The following HMGXB3 variants were observed in gnomAD, a reference collection of about 807,000 sequenced individuals.
HMGXB3 encodes HMG-box containing 3.
HMGXB3 carries 45 observed loss-of-function variants against 121.5 expected under a neutral mutation model. The observed-to-expected ratio is 0.37, with a 90% CI of 0.29 to 0.47. The LOEUF is 0.47. Among genes scored for constraint, HMGXB3 ranks in the 20% least tolerant of loss-of-function variants. The pLI is 0.99. For missense variants in HMGXB3, 1,376 were observed against 1,602.2 expected (o/e 0.86, Z 2.41); for synonymous variants, 590 against 624.1 (o/e 0.95, Z 0.81).
intron 7 of HMGXB3, among the ~76,000 whole-genome samples, chr5:150,025,853 T>G (rs957551664): frequency 4.0e-5 from 6 of 151,254 alleles, no homozygotes; most frequent in East Asian, 2.0e-4. Flanking sequence ...TGCTTTTTTT[T>G]GGGATGGAAT....
chr5:150,033,776 T>C (rs1756436675), intron 11 of HMGXB3, among the ~76,000 whole-genome samples: 1 of 152,098 alleles, frequency 6.6e-6, no homozygotes, highest in Non-Finnish European at 1.5e-5. Context: ...GAGAACTGCT[T>C]CAAGCTTAGA....
In HMGXB3 at chr5:150,047,756, A is replaced by G; in HGVS notation, c.3083A>G (p.Lys1028Arg). The G allele has an allele frequency of 6.4e-7, 1 of 1,551,744 alleles. No homozygotes were observed. The highest frequency in any genetic ancestry group is 2.4e-5 in the East Asian group (1 of 40,928). The change falls in exon 17 of 20, where the codon AAG becomes AGG. Residue 1028 changes from lysine (K) to arginine (R), a missense_variant and splice_region_variant. Lys to Arg is a conservative substitution (Grantham distance 26). Transcript: ENST00000502717. ...CGIPFGAEDS[K>R]DQLCFSLLAL... ...ATCCCCTTTGGGGCAGAAGACTCCA[A>G]GGTGAGTGTCAAGGGCAGTGGTGGA...
At position 150,000,779 on chromosome 5, in the gene HMGXB3, C is replaced by T. The variant is rs1250546673; in HGVS notation, c.-403C>T. The T allele has an allele frequency of 1.9e-5, 3 of 154,694 alleles. No individual in the cohort carries two copies. Among genetic ancestry groups the T allele is most frequent in the Non-Finnish European group, 4.4e-5 (3 of 68,170 alleles). 9.6% of individuals were successfully genotyped at this position (154,694 alleles called of 1,614,324 possible). On this transcript the variant is annotated 5_prime_UTR_variant, in exon 1 of 20. Transcript: ENST00000502717. ...GCTACTGCCGGTGCAGCCGCCAAAC[C>T]GGTGCCTCGGTGACGACCGTGTCCC...
At chr5:150,017,947 A>C (rs1378182331) in intron 5 of HMGXB3, among the ~76,000 whole-genome samples, 1 of 152,250 alleles carries the variant, frequency 6.6e-6, no homozygotes, top group Non-Finnish European at 1.5e-5. Flanking sequence ...AAATAACTAC[A>C]TTCTGTTGAG....
In HMGXB3 at chr5:150,022,986, ATT is replaced by A. The variant is rs56092645; in HGVS notation, c.1042-1254_1042-1253del. Among the ~76,000 whole-genome samples the A allele has an allele frequency of 5.5e-3, 557 of 100,864 alleles. 3 individuals are homozygous for A. Among genetic ancestry groups the A allele is most frequent in the African/African-American group, 0.021 (480 of 22,654 alleles). 66.2% of individuals were successfully genotyped at this position (100,864 alleles called of 152,430 possible). ...GGCTGCATACCACCATGCCTGGCTA[ATT>A]TTTTTTTTTTTTTTTTTTTTTGTAG... On this transcript the variant is annotated intron_variant, in intron 6 of 19. Coordinates refer to ENST00000502717, the MANE Select transcript of HMGXB3 (RefSeq NM_014983.3).
At chr5:150,016,384 TG>T (rs146731432) in intron 5 of HMGXB3, among the ~76,000 whole-genome samples, 205 of 151,914 alleles carry the variant, frequency 1.3e-3, no homozygotes, top group African/African-American at 4.8e-3. Context: ...TAACTATCCT[TG>T]TAGATTTGTC....
At chr5:150,026,638 A>C in intron 7 of HMGXB3, 68 bp from the exon 8 acceptor site, 270 of 1,296,224 alleles carry the variant, frequency 2.1e-4, no homozygotes, top group Non-Finnish European at 2.6e-4. Context: ...AGCACTATGT[A>C]GAGATTGCGC....
chr5:150,012,973 ATTAG>A (rs1250005941), intron 5 of HMGXB3, among the ~76,000 whole-genome samples: 1 of 152,190 alleles, frequency 6.6e-6, no homozygotes, highest in African/African-American at 2.4e-5. Flanking sequence ...TAACTCACTT[ATTAG>A]TTCTGGTAAC....
intron 5 of HMGXB3, among the ~76,000 whole-genome samples, chr5:150,015,629 T>A (rs1415119975): frequency 6.6e-6 from 1 of 152,218 alleles, no homozygotes; most frequent in Non-Finnish European, 1.5e-5. Context: ...TGCTATGAAT[T>A]TCCCTCTAAG....
intron 11 of HMGXB3, among the ~76,000 whole-genome samples, chr5:150,035,336 A>G (rs4705409): frequency 0.83 from 125,614 of 152,052 alleles, 52,126 homozygotes; most frequent in African/African-American, 0.9. Context: ...CATACAGAAA[A>G]AGGAAGCGAA....
At chr5:150,048,526 T>C (rs750984922) in intron 17 of HMGXB3, 43 bp from the exon 18 acceptor site, 2 of 1,324,112 alleles carry the variant, frequency 1.5e-6, no homozygotes, top group South Asian at 1.3e-5. Context: ...CGTGGTCCCT[T>C]AGCATTCGCC....
At position 150,030,878 on chromosome 5, in the gene HMGXB3, G is replaced by A. The variant is rs150326962; in HGVS notation, c.1833+39G>A. On this transcript the variant is annotated intron_variant, in intron 10 of 19. Transcript: ENST00000502717. ...TAGGTGGTGGTGGGTTGACATGGAG[G>A]TTGTTTTGATTTTGTGGTTGAAGGT... The A allele has an allele frequency of 1.3e-4, 197 of 1,482,904 alleles. 1 individual carries two copies. The African/African-American group carries it at 2.3e-3, about 18-fold the overall frequency. The allele number at this position is 1,482,904 out of a possible 1,614,324, so 91.9% of individuals were successfully genotyped here.
intron 16 of HMGXB3, 58 bp from the exon 17 acceptor site, chr5:150,047,566 C>T: frequency 6.5e-7 from 1 of 1,545,772 alleles, no homozygotes; most frequent in African/African-American, 1.4e-5. Flanking sequence ...GTGGGCCTAG[C>T]CTTGGCCTCT....
At position 150,050,397 on chromosome 5, in the gene HMGXB3, A is replaced by G. The variant is rs1449803988; in HGVS notation, c.3347A>G (p.Glu1116Gly). The change falls in exon 19 of 20, where the codon GAG becomes GGG. Residue 1116 changes from glutamate (E) to glycine (G), a missense_variant. This residue lies in a region of HMGXB3 where 1,116 missense variants were observed against 1,369.0 expected (regional missense o/e 0.82). Coordinates refer to ENST00000502717, the MANE Select transcript of HMGXB3 (RefSeq NM_014983.3). ...VALCADLCYP[E>G]LTNQMWGRNQ... Reference sequence around the variant, plus strand: ...CTGTGTGCTGACCTCTGCTACCCAGAGCTGACTAACCAGATGTGGGGGAGG... The same window carrying G: ...CTGTGTGCTGACCTCTGCTACCCAGGGCTGACTAACCAGATGTGGGGGAGG... 5.2e-6 allele frequency: 8 copies of G among 1,551,594 alleles called. No individual in the cohort carries two copies. The highest frequency in any genetic ancestry group is 1.2e-5 in the South Asian group (1 of 84,054).
chr5:150,001,572 C>G (rs2113717727), intron 1 of HMGXB3, among the ~76,000 whole-genome samples: 1 of 152,292 alleles, frequency 6.6e-6, no homozygotes, highest in Middle Eastern at 3.4e-3. Flanking sequence ...AAGTAGATTG[C>G]TTAAGGTCAG....
At chr5:150,001,361 C>T (rs1188628787) in intron 1 of HMGXB3, among the ~76,000 whole-genome samples, 182 bp downstream of exon 1, 1 of 152,208 alleles carries the variant, frequency 6.6e-6, no homozygotes, top group Non-Finnish European at 1.5e-5. Context: ...AAGACTTTGT[C>T]TGGTTTGGCT....
intron 9 of HMGXB3, among the ~76,000 whole-genome samples, chr5:150,028,541 G>GTGTGTGTATATA (rs1203886454): frequency 2.9e-4 from 12 of 42,078 alleles, no homozygotes; most frequent in East Asian, 1.6e-3. Flanking sequence ...GTGTGTGTGT[G>GTGTGTGTATATA]TATATATATA....
At chr5:150,012,522 G>T (rs990235475) in intron 5 of HMGXB3, among the ~76,000 whole-genome samples, 169 bp downstream of exon 5, 2 of 152,234 alleles carry the variant, frequency 1.3e-5, no homozygotes, top group Admixed American at 1.3e-4. Flanking sequence ...CAGGGATTAT[G>T]TGGTCCATAT....
chr5:150,001,822 C>T (rs1033640438), intron 1 of HMGXB3, among the ~76,000 whole-genome samples: 2 of 152,164 alleles, frequency 1.3e-5, no homozygotes, highest in Non-Finnish European at 2.9e-5. Context: ...TTTCCTAACC[C>T]GTTTTGCGCA....
Sources: gnomAD v4.1 joint callset for allele counts (sites outside exome capture counted in the v4.1 genomes callset) on GRCh38, gnomAD v4.1.1 for gene constraint, gnomAD v4.1.1 regional missense constraint, MANE v1.5 for transcripts, NCBI Gene and HGNC (gene_info 2026-07-23, HGNC 2026-07-21) for gene names.